The following ROBO2 variants were observed in gnomAD, a reference collection of about 807,000 sequenced individuals.
The protein encoded by ROBO2 is roundabout guidance receptor 2, also known as roundabout homolog 2.
ROBO2 carries 53 observed loss-of-function variants against 160.8 expected under a neutral mutation model. The observed-to-expected ratio is 0.33, with a 90% CI of 0.26 to 0.41. The LOEUF (loss-of-function observed/expected upper bound fraction) is 0.41. Ranked by LOEUF, ROBO2 falls within the 10% of genes least tolerant of loss-of-function variation. The pLI is 1.00. For synonymous variants in ROBO2, 664 were observed against 611.7 expected, an observed-to-expected ratio of 1.09 and a Z score of -1.26; for missense variants, 1,577 against 1,722.4, an observed-to-expected ratio of 0.92 and a Z score of 1.49.
At chr3:77,291,663 T>A (rs1200061872) in intron 2 of ROBO2, among the ~76,000 whole-genome samples, 1 of 150,600 alleles carries the variant, frequency 6.6e-6, no homozygotes, top group Non-Finnish European at 1.5e-5. Flanking sequence ...AGACATAAAG[T>A]AAAATTGATG....
chr3:76,946,377 T>C (rs1288130673), intron 2 of ROBO2, among the ~76,000 whole-genome samples: 1 of 152,134 alleles, frequency 6.6e-6, no homozygotes, highest in East Asian at 1.9e-4. Flanking sequence ...AAAAGGACCC[T>C]GTGTAGGGCT....
chr3:77,157,848 T>C (rs796415568), intron 2 of ROBO2, among the ~76,000 whole-genome samples: 4 of 152,186 alleles, frequency 2.6e-5, no homozygotes, highest in African/African-American at 7.2e-5. Context: ...TCAGTGCATA[T>C]ATATTTCTAA....
chr3:76,488,913 T>C (rs550890776), intron 2 of ROBO2, among the ~76,000 whole-genome samples: 119 of 152,080 alleles, frequency 7.8e-4, no homozygotes, highest in African/African-American at 2.8e-3. Context: ...GTGGTATTTA[T>C]TTTTGTGCAG....
chr3:76,377,746 G>GT lies in ROBO2; in HGVS notation c.109+440152dup, dbSNP rs552235374. On this transcript the variant is annotated intron_variant, in intron 2 of 26. Coordinates refer to the ROBO2 transcript ENST00000487694. ...AAAATACCTAGCAAACTGCTTGTGG[G>GT]TTTTTTTTCTCTTATGAGTAGAAAG... Among the ~76,000 whole-genome samples, 158 of 151,858 alleles carry GT rather than the reference G, an allele frequency of 1.0e-3. 2 individuals carry two copies. The South Asian group carries it at 0.031, about 30-fold the overall frequency.
chr3:76,475,340 G>A (rs1477268962), intron 2 of ROBO2, among the ~76,000 whole-genome samples: 1 of 152,060 alleles, frequency 6.6e-6, no homozygotes, highest in Non-Finnish European at 1.5e-5. Flanking sequence ...AGATTTGAAT[G>A]AGGATGAAGT....
intron 2 of ROBO2, among the ~76,000 whole-genome samples, chr3:76,982,139 T>A (rs2060131751): frequency 1.3e-5 from 2 of 152,194 alleles, no homozygotes; most frequent in Non-Finnish European, 1.5e-5. Flanking sequence ...TGGTTTCGTA[T>A]CTAAGAAACT....
At chr3:77,128,805 C>A (rs541700212) in intron 2 of ROBO2, among the ~76,000 whole-genome samples, 3 of 152,226 alleles carry the variant, frequency 2.0e-5, no homozygotes, top group African/African-American at 7.2e-5. Flanking sequence ...TGTGCTCAAC[C>A]TTGGTTATTT....
At chr3:77,373,103 T>A (rs1362284631) in intron 2 of ROBO2, among the ~76,000 whole-genome samples, 2 of 147,116 alleles carry the variant, frequency 1.4e-5, no homozygotes, top group African/African-American at 4.9e-5. Flanking sequence ...TAAAATATAA[T>A]ATTTTAAAAT....
intron 2 of ROBO2, among the ~76,000 whole-genome samples, chr3:77,375,073 A>G (rs2072440021): frequency 6.6e-6 from 1 of 152,162 alleles, no homozygotes; most frequent in African/African-American, 2.4e-5. Context: ...TGAGCCAGGT[A>G]TGGTTGCAAC....
intron 2 of ROBO2, among the ~76,000 whole-genome samples, chr3:77,423,589 C>T (rs1245801187): frequency 2.6e-5 from 4 of 151,978 alleles, no homozygotes; most frequent in Non-Finnish European, 5.9e-5. Flanking sequence ...TAGAATGTCC[C>T]TCCCCACTTT....
At chr3:76,993,437 C>T (rs548041034) in intron 2 of ROBO2, among the ~76,000 whole-genome samples, 2 of 152,240 alleles carry the variant, frequency 1.3e-5, no homozygotes, top group Admixed American at 6.5e-5. Context: ...AGATCACTAT[C>T]CCCAAAATGT....
chr3:76,397,908 T>A (rs1331042701), intron 2 of ROBO2, among the ~76,000 whole-genome samples: 1 of 151,898 alleles, frequency 6.6e-6, no homozygotes, highest in Non-Finnish European at 1.5e-5. Context: ...ATTGTGGAAG[T>A]CAGTGTGGCG....
chr3:77,599,082 T>C (rs62251147), intron 19 of ROBO2, among the ~76,000 whole-genome samples: 69 of 152,264 alleles, frequency 4.5e-4, no homozygotes, highest in Admixed American at 9.2e-4. Context: ...TGATGTGAAA[T>C]ATCTCATAGA....
chr3:76,924,012 T>C (rs942751757), intron 2 of ROBO2, among the ~76,000 whole-genome samples: 5 of 152,222 alleles, frequency 3.3e-5, no homozygotes, highest in African/African-American at 1.2e-4. Context: ...TCATTAATTG[T>C]CATCTCTTAT....
At chr3:77,573,705 G>A (rs1048287184) in intron 13 of ROBO2, among the ~76,000 whole-genome samples, 4 of 151,890 alleles carry the variant, frequency 2.6e-5, no homozygotes, top group African/African-American at 9.7e-5. Context: ...TGTTTTCCTG[G>A]GTAAATCCTG....
chr3:76,568,784 T>C (rs369339161), intron 2 of ROBO2, among the ~76,000 whole-genome samples: 1 of 152,318 alleles, frequency 6.6e-6, no homozygotes, highest in African/African-American at 2.4e-5. Context: ...ATCTGAATCA[T>C]TTTCTCTTTG....
At chr3:76,128,527 A>T (rs1305825121) in intron 2 of ROBO2, among the ~76,000 whole-genome samples, 1 of 152,112 alleles carries the variant, frequency 6.6e-6, no homozygotes, top group Non-Finnish European at 1.5e-5. Flanking sequence ...TGAAAAGATA[A>T]GATATTTAAT....
intron 2 of ROBO2, among the ~76,000 whole-genome samples, chr3:76,086,777 C>G (rs796717344): frequency 1.1e-4 from 17 of 152,064 alleles, no homozygotes; most frequent in African/African-American, 4.1e-4. Context: ...GATCAATATG[C>G]TAAGGGCTTT....
At chr3:76,792,544 A>G (rs1042852170) in intron 2 of ROBO2, among the ~76,000 whole-genome samples, 9 of 151,790 alleles carry the variant, frequency 5.9e-5, no homozygotes, top group African/African-American at 2.2e-4. Context: ...CCTTTTAATT[A>G]TAAATAAAGG....
Sources: allele counts gnomAD v4.1 joint callset (sites outside exome capture counted in the v4.1 genomes callset), GRCh38; gene constraint gnomAD v4.1.1; transcripts MANE v1.5; gene names NCBI Gene and HGNC (gene_info 2026-07-23, HGNC 2026-07-21).